Variants in NXN observed in about 807,000 individuals in gnomAD.
The protein encoded by NXN is nucleoredoxin 1.
Under a neutral mutation model 48.6 loss-of-function variants are expected in NXN, and 16 were observed. The observed-to-expected ratio is 0.33, with a 90% CI of 0.22 to 0.50. The LOEUF is 0.50. Ranked by LOEUF, NXN falls within the 20% of genes least tolerant of loss-of-function variation. NXN has a pLI of 0.98. For missense variants in NXN, 492 were observed against 605.5 expected (o/e 0.81, Z 1.97); for synonymous variants, 281 against 269.6 (o/e 1.04, Z -0.41).
At position 830,334 on chromosome 17, in the gene NXN, T is replaced by C. The variant is rs1371917883; in HGVS notation, c.361-4256A>G. On this transcript the variant is annotated intron_variant, in intron 1 of 7. Transcript: ENST00000336868. This position sits in a 1 kb window ranked among gnomAD's most constrained non-coding sequence, Gnocchi z 4.2. ...GAGAGGCAGACAATAAACAAGAATA[T>C]AAACAGGAAACTCATTTCAGACACC... Among the ~76,000 whole-genome samples the C allele has an allele frequency of 6.6e-6, 1 of 151,536 alleles. No homozygotes were observed. Among genetic ancestry groups the C allele is most frequent in the Non-Finnish European group, 1.5e-5 (1 of 67,894 alleles).
At position 868,235 on chromosome 17, in the gene NXN, G is replaced by A. The variant is rs77905916; in HGVS notation, c.361-42157C>T. Among the ~76,000 whole-genome samples the A allele has an allele frequency of 8.9e-3, 1,349 of 152,056 alleles. 16 individuals carry two copies. The highest frequency in any genetic ancestry group is 0.03 in the African/African-American group (1,239 of 41,474). On this transcript the variant is annotated intron_variant, in intron 1 of 7. Transcript: ENST00000336868. ...CCCTCTATCCGATCCACCCTTCCCC[G>A]GAATTCCCCTCTCCTCCAGCCTTCA...
intron 3 of NXN, among the ~76,000 whole-genome samples, chr17:823,112 A>T (rs11504751): frequency 8.1e-6 from 1 of 123,778 alleles, no homozygotes; most frequent in East Asian, 2.4e-4. Flanking sequence ...AAAAAAAAAA[A>T]AGGGGGCCAG....
At chr17:804,705 A>C (rs369056080) in intron 6 of NXN, among the ~76,000 whole-genome samples, 1 of 152,238 alleles carries the variant, frequency 6.6e-6, no homozygotes, top group Admixed American at 6.5e-5. Flanking sequence ...GAGGATCCGC[A>C]GAAGCAGCCT....
intron 5 of NXN, among the ~76,000 whole-genome samples, chr17:811,802 G>T (rs995507423): frequency 6.7e-6 from 1 of 149,422 alleles, no homozygotes; most frequent in African/African-American, 2.5e-5. Flanking sequence ...CACCCGTACC[G>T]CCCCCCAGAC....
intron 1 of NXN, among the ~76,000 whole-genome samples, chr17:861,448 C>G (rs1597671668): frequency 6.6e-6 from 1 of 152,070 alleles, no homozygotes; most frequent in Non-Finnish European, 1.5e-5. Flanking sequence ...TTTGCTCTTT[C>G]TATTGAAAGT....
intron 1 of NXN, among the ~76,000 whole-genome samples, chr17:971,023 T>G (rs906438691): frequency 6.7e-6 from 1 of 149,490 alleles, no homozygotes; most frequent in Non-Finnish European, 1.5e-5. Context: ...CTCGGCTCAA[T>G]GCAACCTCCG....
At chr17:803,205 G>A (rs138830382) in intron 7 of NXN, among the ~76,000 whole-genome samples, 4 of 152,178 alleles carry the variant, frequency 2.6e-5, no homozygotes, top group East Asian at 1.9e-4. Flanking sequence ...TGAAACAGAC[G>A]GGGAGCGGCA....
rs1208043099 is a variant in NXN, at chr17:898,553, C to T, written c.361-72475G>A. Among the ~76,000 whole-genome samples the T allele has an allele frequency of 8.3e-5, 6 of 71,938 alleles. 3 individuals carry two copies. The highest frequency in any genetic ancestry group is 1.4e-3 in the East Asian group (2 of 1,404). The allele number at this position is 71,938 out of a possible 152,430, so 47.2% of individuals were successfully genotyped here. A position where few individuals can be genotyped will look rare whatever the true frequency, so the allele number is the denominator to read the frequency against. ...CTCTGCCGTCAGGAACTCGTCCGGA[C>T]GCCATCTCCTCTGAGAAACTACTCT... is the stretch of plus-strand genomic sequence containing the variant. On this transcript the variant is annotated intron_variant, in intron 1 of 7. Transcript: ENST00000336868.
chr17:863,008 C>A (rs945950939), intron 1 of NXN, among the ~76,000 whole-genome samples: 1 of 152,112 alleles, frequency 6.6e-6, no homozygotes, highest in Non-Finnish European at 1.5e-5. Context: ...TAAATATAAT[C>A]TATTTTCAAA....
At chr17:876,037 C>T (rs190848386) in intron 1 of NXN, among the ~76,000 whole-genome samples, 49 of 151,958 alleles carry the variant, frequency 3.2e-4, no homozygotes, top group African/African-American at 9.9e-4. Context: ...TAAAATTAGC[C>T]GGGCGTGGTG....
intron 5 of NXN, among the ~76,000 whole-genome samples, chr17:814,302 C>A (rs560040526): frequency 6.6e-6 from 1 of 152,118 alleles, no homozygotes; most frequent in East Asian, 1.9e-4. Flanking sequence ...TCCTAGGGTA[C>A]CTTATTAGTT....
In NXN at chr17:803,669, C is replaced by A. The variant is rs370506983; in HGVS notation, c.1125+13G>T. ...TGAGCCAGCCCTGGGCCAAGCCTCT[C>A]CTCCGCACTCACCTCCCCGGCTACG... On this transcript the variant is annotated intron_variant, in intron 7 of 7. Coordinates refer to ENST00000336868, the MANE Select transcript of NXN (RefSeq NM_022463.5). 2.3e-5 allele frequency: 37 copies of A among 1,613,996 alleles called. No individual in the cohort carries two copies. The African/African-American group carries it at 4.4e-4, about 19-fold the overall frequency.
At chr17:864,099 A>C in intron 1 of NXN, 3 of 1,291,860 alleles carry the variant, frequency 2.3e-6, no homozygotes, top group Non-Finnish European at 2.9e-6. Context: ...GGTTCCGGTG[A>C]AGGGGCACGT....
intron 6 of NXN, 58 bp downstream of exon 6, chr17:805,010 G>T (rs1430576971): frequency 2.6e-6 from 4 of 1,513,024 alleles, no homozygotes; most frequent in Non-Finnish European, 3.6e-6. Flanking sequence ...CCCAAGTGAG[G>T]CCCCTCCTGT....
intron 1 of NXN, among the ~76,000 whole-genome samples, chr17:826,297 G>A (rs1166532103): frequency 6.6e-6 from 1 of 152,094 alleles, no homozygotes; most frequent in Non-Finnish European, 1.5e-5. Flanking sequence ...CTCCGAGGAG[G>A]GAGGTGATGG....
intron 1 of NXN, among the ~76,000 whole-genome samples, chr17:969,771 G>T (rs2069351293): frequency 6.6e-6 from 1 of 151,874 alleles, no homozygotes; most frequent in African/African-American, 2.4e-5. Context: ...ACCAAAAAAA[G>T]ACAAATTAAA....
At chr17:833,529 C>T in intron 1 of NXN, among the ~76,000 whole-genome samples, 1 of 152,150 alleles carries the variant, frequency 6.6e-6, no homozygotes, top group Admixed American at 6.6e-5. Context: ...CAAAGGTTTT[C>T]AAAATGCCTC....
intron 1 of NXN, among the ~76,000 whole-genome samples, chr17:856,821 C>T (rs1335942483): frequency 2.0e-5 from 3 of 152,138 alleles, no homozygotes; most frequent in Non-Finnish European, 4.4e-5. Context: ...GTTCACACTG[C>T]CTAGGTTTTC....
At chr17:947,780 G>A (rs1469943847) in intron 1 of NXN, among the ~76,000 whole-genome samples, 1 of 146,374 alleles carries the variant, frequency 6.8e-6, no homozygotes, top group East Asian at 2.0e-4. Flanking sequence ...GCTCACGCCT[G>A]TAATCCTAGC....
Sources: allele counts gnomAD v4.1 joint callset (sites outside exome capture counted in the v4.1 genomes callset), GRCh38; gene constraint gnomAD v4.1.1; non-coding constraint Gnocchi (gnomAD v3.1); transcripts MANE v1.5; gene names NCBI Gene and HGNC (gene_info 2026-07-23, HGNC 2026-07-21).